SRPRB: variants seen among roughly 807,000 people sequenced by gnomAD.
SRPRB encodes the protein signal recognition particle receptor subunit beta.
A neutral mutation model predicts 31.9 loss-of-function variants in SRPRB; 20 were observed. The observed-to-expected ratio is 0.63, with a 90% CI of 0.44 to 0.91. The LOEUF is 0.91. Ranked by LOEUF, SRPRB falls within the 40% of genes least tolerant of loss-of-function variation. The pLI is 0.00. For synonymous variants in SRPRB, 146 were observed against 132.8 expected (o/e 1.10, Z -0.68); for missense variants, 321 against 324.9 (o/e 0.99, Z 0.09).
At position 133,819,587 on chromosome 3, in the gene SRPRB, A is replaced by G. The variant is rs1204294137; in HGVS notation, c.637A>G (p.Ser213Gly). The G allele has an allele frequency of 1.9e-6, 3 of 1,614,082 alleles. No individual in the cohort carries two copies. The highest frequency in any genetic ancestry group is 2.5e-6 in the Non-Finnish European group (3 of 1,180,046). Reference protein sequence around the residue: ...TLRVTRSAAPSTLDSSSTAPA... With the variant: ...TLRVTRSAAPGTLDSSSTAPA... ...ACGAGTTACCCGTTCTGCTGCCCCC[A>G]GCACACTGGACAGTTCCAGCACTGC... Residue 213 changes from serine to glycine, a missense_variant, in exon 7 of 7, where the codon AGC (serine) becomes GGC (glycine). Transcript: ENST00000678299.
At chr3:133,815,827 T>C (rs1935356265) in intron 5 of SRPRB, 101 bp downstream of exon 5, 1 of 1,370,758 alleles carries the variant, frequency 7.3e-7, no homozygotes, top group Non-Finnish European at 1.0e-6. Context: ...GAGGATGAGA[T>C]ACAATTGCTG....
At chr3:133,803,550 A>G (rs1290625374), upstream of SRPRB, among the ~76,000 whole-genome samples, 1 of 152,142 alleles carries the variant, frequency 6.6e-6, no homozygotes, top group African/African-American at 2.4e-5. Flanking sequence ...TCATATTGCA[A>G]ATCTTCCTAA....
At chr3:133,795,906 T>G (rs146222160) in intron 1 of SRPRB, 1 of 152,274 alleles carries the variant, frequency 6.6e-6, no homozygotes, top group East Asian at 1.9e-4. Context: ...AACAAAATTA[T>G]GGGAGGTCAT....
At chr3:133,788,377 C>T (rs937685384) in intron 1 of SRPRB, 2 of 152,192 alleles carry the variant, frequency 1.3e-5, no homozygotes, top group Admixed American at 6.5e-5. Flanking sequence ...TATTTAAACC[C>T]GAGAAAATTC....
rs371887055 is a variant in SRPRB, at chr3:133,790,662, A to G, written c.-174+6518A>G. 22 of 152,362 alleles carry G rather than the reference A, an allele frequency of 1.4e-4. 1 individual carries two copies. Among genetic ancestry groups the G allele is most frequent in the East Asian group, 3.9e-4 (2 of 5,188 alleles). The allele number at this position is 152,362 out of a possible 1,614,324, so 9.4% of individuals were successfully genotyped here. On this transcript the variant is annotated intron_variant, in intron 1 of 7. Coordinates refer to the SRPRB transcript ENST00000466490. ...AAAGAAATGCATCGGCAGTTTGGCA[A>G]TTCCTTTTTACTATAGTTAAGCATG...
upstream of SRPRB, among the ~76,000 whole-genome samples, chr3:133,802,265 C>T (rs947423963): frequency 1.3e-5 from 2 of 151,378 alleles, no homozygotes; most frequent in Non-Finnish European, 2.9e-5. Flanking sequence ...AAAAAACTAC[C>T]TGGGCATGGT....
Position 133,820,479 on chromosome 3 carries a change from AGT to A in SRPRB, c.*719_*720del, listed in dbSNP as rs1439705496. 1.3e-5 allele frequency: 2 copies of A among 152,264 alleles called. No individual in the cohort carries two copies. The highest frequency in any genetic ancestry group is 2.9e-5 in the Non-Finnish European group (2 of 68,112). 9.4% of individuals were successfully genotyped at this position (152,264 alleles called of 1,614,324 possible). ...TGTGTTCTTAGTGGTTATACTGGGA[AGT>A]GTGTGGAGATTTAGGTGCTGCTCTG... is the stretch of plus-strand genomic sequence containing the variant. On this transcript the variant is annotated 3_prime_UTR_variant, in exon 7 of 7. Transcript: ENST00000678299.
At chr3:133,826,103 C>T (rs1935558062), downstream of SRPRB, 5 of 152,338 alleles carry the variant, frequency 3.3e-5, no homozygotes, top group South Asian at 1.0e-3. Flanking sequence ...TTCCACACCC[C>T]AGGAAGGGAG....
rs910037525 is a variant in SRPRB, at chr3:133,789,658, T to C, written c.-174+5514T>C. On this transcript the variant is annotated intron_variant, in intron 1 of 7. Coordinates refer to the SRPRB transcript ENST00000466490. ...AGCACTCATAAATTAAGTAAATAAG[T>C]CGAAGCAATTTTCAAGTTCACATGA... The C allele has an allele frequency of 2.0e-5, 3 of 152,254 alleles. No individual in the cohort carries two copies. The South Asian group carries it at 6.2e-4, about 31-fold the overall frequency. 9.4% of individuals were successfully genotyped at this position (152,254 alleles called of 1,614,324 possible).
chr3:133,827,956 G>A (rs548399884), downstream of SRPRB: 7 of 702,914 alleles, frequency 1.0e-5, no homozygotes, highest in African/African-American at 5.2e-5. Flanking sequence ...TATAAACCAC[G>A]CACCACGCAG....
downstream of SRPRB, chr3:133,825,470 G>A (rs1469295129): frequency 1.3e-5 from 2 of 152,240 alleles, no homozygotes; most frequent in East Asian, 1.9e-4. Flanking sequence ...CAAGAAGAGA[G>A]CAGCGATAGA....
At chr3:133,806,422 G>A in intron 1 of SRPRB, 187 bp from the exon 2 acceptor site, 3 of 565,452 alleles carry the variant, frequency 5.3e-6, no homozygotes, top group Non-Finnish European at 9.5e-6. Context: ...AAGAAAAGTT[G>A]ACAGTTGACA....
At chr3:133,811,289 G>A (rs960898192) in intron 4 of SRPRB, 90 bp downstream of exon 4, 28 of 1,368,112 alleles carry the variant, frequency 2.0e-5, no homozygotes, top group African/African-American at 2.9e-5. Context: ...GTGTTTGGGA[G>A]GCAGCATGGT....
In SRPRB at chr3:133,811,861, C is replaced by T. The variant is rs1235961518; in HGVS notation, c.410+662C>T. ...CCTCCCAAAGTGCTGGAATTACAGG[C>T]GTGAGCCACTGCACCTGGCCCATAT... On this transcript the variant is annotated intron_variant, in intron 4 of 6. Transcript: ENST00000678299. Among the ~76,000 whole-genome samples the T allele has an allele frequency of 3.9e-5, 6 of 152,108 alleles. No homozygotes were observed. The South Asian group carries it at 8.3e-4, about 21-fold the overall frequency.
chr3:133,827,019 G>A (rs1156987058), downstream of SRPRB: 2 of 152,656 alleles, frequency 1.3e-5, no homozygotes, highest in African/African-American at 4.8e-5. Flanking sequence ...TTCTGCAAGA[G>A]GTGCTCAGTG....
chr3:133,822,533 C>T (rs1241014467), downstream of SRPRB, among the ~76,000 whole-genome samples: 1 of 152,228 alleles, frequency 6.6e-6, no homozygotes, highest in Non-Finnish European at 1.5e-5. Flanking sequence ...TCCTAATCAA[C>T]AGCAGCTGCT....
chr3:133,793,194 A>G (rs1042148499), intron 1 of SRPRB: 1 of 152,190 alleles, frequency 6.6e-6, no homozygotes, highest in Non-Finnish European at 1.5e-5. Flanking sequence ...GAAAGACAAG[A>G]GACAGATTGT....
At chr3:133,816,720 GCTTA>G (rs913367310) in intron 5 of SRPRB, among the ~76,000 whole-genome samples, 154 bp from the exon 6 acceptor site, 1 of 152,148 alleles carries the variant, frequency 6.6e-6, no homozygotes, top group African/African-American at 2.4e-5. Flanking sequence ...CAAGTATAAA[GCTTA>G]CTTTGATAGA....
At chr3:133,810,658 A>AAT in intron 3 of SRPRB, 1 of 152,620 alleles carries the variant, frequency 6.6e-6, no homozygotes, top group East Asian at 1.9e-4. Flanking sequence ...CAGTAAGAGT[A>AAT]ATATGCTCTA....
Sources: allele counts gnomAD v4.1 joint callset (sites outside exome capture counted in the v4.1 genomes callset), GRCh38; gene constraint gnomAD v4.1.1; transcripts MANE v1.5; gene names NCBI Gene and HGNC (gene_info 2026-07-23, HGNC 2026-07-21).